RANBP2: variants seen among roughly 807,000 people sequenced by gnomAD.
The protein encoded by RANBP2 is RAN binding protein 2.
A neutral mutation model predicts 303.6 loss-of-function variants in RANBP2; 57 were observed. That is an observed-to-expected ratio of 0.19 (90% confidence interval 0.15 to 0.23). RANBP2 has a LOEUF of 0.23. Ranked by LOEUF, RANBP2 falls within the 10% of genes least tolerant of loss-of-function variation. The pLI, the probability that RANBP2 is intolerant of heterozygous loss-of-function variation, is 1.00. For synonymous variants in RANBP2, 1,167 were observed against 1,301.5 expected, an observed-to-expected ratio of 0.90 and a Z score of 2.23; for missense variants, 3,138 against 3,780.8, an observed-to-expected ratio of 0.83 and a Z score of 4.46.
chr2:109,766,633 C>A, the RANBP2 span, among the ~76,000 whole-genome samples: 3 of 149,796 alleles, frequency 2.0e-5, no homozygotes, highest in African/African-American at 7.4e-5. Flanking sequence ...TCCTTGTTAA[C>A]CACAATGGGT....
chr2:108,777,654 G>A (rs762145314), intron 25 of RANBP2, among the ~76,000 whole-genome samples: 1 of 151,972 alleles, frequency 6.6e-6, no homozygotes, highest in African/African-American at 2.4e-5. Context: ...AATTTATTGT[G>A]CTAAGTTTAT....
At chr2:109,612,405 T>C in the RANBP2 span, among the ~76,000 whole-genome samples, 2 of 152,198 alleles carry the variant, frequency 1.3e-5, no homozygotes, top group Admixed American at 6.5e-5. Flanking sequence ...TCAATGACAA[T>C]ATGCTGGTTG....
At chr2:109,295,461 G>A in the RANBP2 span, among the ~76,000 whole-genome samples, 3 of 152,248 alleles carry the variant, frequency 2.0e-5, no homozygotes, top group Admixed American at 2.0e-4. Flanking sequence ...GGCAGGGAGA[G>A]GACCCTGGGA....
the RANBP2 span, among the ~76,000 whole-genome samples, chr2:109,360,806 A>G: frequency 1.3e-5 from 2 of 152,184 alleles, no homozygotes; most frequent in Admixed American, 6.5e-5. Context: ...GTACACTTTT[A>G]ATTTCCTTTT....
chr2:109,651,144 A>G, the RANBP2 span, among the ~76,000 whole-genome samples: 2 of 152,266 alleles, frequency 1.3e-5, no homozygotes, highest in South Asian at 2.1e-4. Context: ...AAGTCCCAGC[A>G]ACCCCTGTAC....
the RANBP2 span, among the ~76,000 whole-genome samples, chr2:109,213,844 C>T: frequency 1.2e-4 from 18 of 152,106 alleles, no homozygotes; most frequent in Admixed American, 2.6e-4. Flanking sequence ...GGTTACAGCC[C>T]GTGGGTCGTT....
At chr2:109,117,955 T>G in the RANBP2 span, among the ~76,000 whole-genome samples, 1 of 152,198 alleles carries the variant, frequency 6.6e-6, no homozygotes, top group Non-Finnish European at 1.5e-5. Context: ...TGCCACTGCC[T>G]GCCCTCTGAG....
chr2:108,886,738 T>TA, the RANBP2 span, among the ~76,000 whole-genome samples: 14,272 of 151,010 alleles, frequency 0.095, 917 homozygotes, highest in African/African-American at 0.17. Context: ...TAATGGGATT[T>TA]AAAAAAAAAA....
the RANBP2 span, among the ~76,000 whole-genome samples, chr2:109,034,102 C>T: frequency 6.7e-6 from 1 of 150,208 alleles, no homozygotes; most frequent in South Asian, 2.1e-4. Flanking sequence ...AACCCCATCT[C>T]TACTAAAAAT....
chr2:108,760,849 C>G (rs1676682925), intron 18 of RANBP2, among the ~76,000 whole-genome samples: 2 of 152,188 alleles, frequency 1.3e-5, no homozygotes, highest in South Asian at 2.1e-4. Context: ...ATCTCCTTTG[C>G]ATGAATTTGT....
the RANBP2 span, among the ~76,000 whole-genome samples, chr2:109,321,231 C>A: frequency 1.3e-5 from 2 of 152,188 alleles, no homozygotes; most frequent in Non-Finnish European, 1.5e-5. Flanking sequence ...AACCTTATAT[C>A]CTCGGATTCA....
chr2:109,549,985 C>T, the RANBP2 span, among the ~76,000 whole-genome samples: 1 of 152,164 alleles, frequency 6.6e-6, no homozygotes, highest in Non-Finnish European at 1.5e-5. Flanking sequence ...TTTGTAAACA[C>T]TACTTTTAAG....
the RANBP2 span, among the ~76,000 whole-genome samples, chr2:108,800,638 T>TTTTA: frequency 9.5e-5 from 7 of 73,732 alleles, 1 homozygote; most frequent in African/African-American, 3.5e-4. Context: ...TTTTTTTTTT[T>TTTTA]AATTATACTT....
chr2:109,383,729 C>T, the RANBP2 span, among the ~76,000 whole-genome samples: 1 of 152,184 alleles, frequency 6.6e-6, no homozygotes, highest in African/African-American at 2.4e-5. Context: ...GAGCTACTCT[C>T]TGTTGCTTTT....
chr2:108,815,398 T>A, the RANBP2 span, among the ~76,000 whole-genome samples: 2 of 151,972 alleles, frequency 1.3e-5, no homozygotes, highest in African/African-American at 2.4e-5. Flanking sequence ...GATTATGACT[T>A]TTCTTGCCTT....
the RANBP2 span, among the ~76,000 whole-genome samples, chr2:108,917,253 G>T: frequency 2.4e-4 from 36 of 152,292 alleles, no homozygotes; most frequent in African/African-American, 8.2e-4. Context: ...GGATCTCATA[G>T]AAGTGGAGCA....
the RANBP2 span, chr2:108,873,391 GT>G: frequency 7.2e-7 from 1 of 1,397,888 alleles, no homozygotes; most frequent in Non-Finnish European, 9.4e-7. Flanking sequence ...ATTTTAATTT[GT>G]TTTTAATTTC....
chr2:109,149,474 C>T, the RANBP2 span, among the ~76,000 whole-genome samples: 1 of 152,168 alleles, frequency 6.6e-6, no homozygotes, highest in African/African-American at 2.4e-5. Context: ...TTTCATGGAC[C>T]TCAGATGAAT....
chr2:109,505,526 A>T, the RANBP2 span, among the ~76,000 whole-genome samples: 29 of 152,204 alleles, frequency 1.9e-4, no homozygotes, highest in South Asian at 4.1e-4. Context: ...AATTTTTTTT[A>T]AAAAAGTGAA....
Sources: gnomAD v4.1 joint callset for allele counts (sites outside exome capture counted in the v4.1 genomes callset) on GRCh38, gnomAD v4.1.1 for gene constraint, MANE v1.5 for transcripts, NCBI Gene and HGNC (gene_info 2026-07-23, HGNC 2026-07-21) for gene names.